MEGF9: variants seen among roughly 807,000 people sequenced by gnomAD.
MEGF9 encodes multiple EGF like domains 9, also known as multiple epidermal growth factor-like domains protein 9.
Under a neutral mutation model 46.8 loss-of-function variants are expected in MEGF9, and 6 were observed. The ratio of observed to expected loss-of-function variants is 0.13; its 90% confidence interval spans 0.07 to 0.25. The LOEUF (loss-of-function observed/expected upper bound fraction) is 0.25. MEGF9 is among the 10% of genes least tolerant of loss of function. The probability of loss-of-function intolerance (pLI) is 1.00; values close to 1 mark genes in which losing one functional copy is unlikely to be tolerated. For missense variants in MEGF9, 683 were observed against 792.4 expected (o/e 0.86, Z 1.66); for synonymous variants, 302 against 330.7 (o/e 0.91, Z 0.94).
chr9:120,659,598 G>A, intron 1 of MEGF9, 23 bp from the exon 2 acceptor site: 1 of 1,548,590 alleles, frequency 6.5e-7, no homozygotes, highest in Non-Finnish European at 8.8e-7. Context: ...GAAGGAAAGA[G>A]ACATTACCAA....
chr9:120,652,597 C>A (rs1020382120), intron 2 of MEGF9, among the ~76,000 whole-genome samples: 4 of 151,076 alleles, frequency 2.6e-5, no homozygotes, highest in African/African-American at 9.8e-5. Flanking sequence ...CAGGCACACA[C>A]ACACACACAC....
chr9:120,641,317 G>A (rs2043602012), intron 2 of MEGF9, among the ~76,000 whole-genome samples: 1 of 152,152 alleles, frequency 6.6e-6, no homozygotes, highest in Non-Finnish European at 1.5e-5. Context: ...GTTCATTAAA[G>A]TAAGATAAAG....
At chr9:120,709,405 T>C (rs2043942735) in intron 1 of MEGF9, among the ~76,000 whole-genome samples, 1 of 147,174 alleles carries the variant, frequency 6.8e-6, no homozygotes, top group African/African-American at 2.5e-5. Context: ...AGAGTGGAAC[T>C]CCATCTCAAA....
intron 3 of MEGF9, among the ~76,000 whole-genome samples, chr9:120,615,535 G>GT (rs2043468516): frequency 6.6e-6 from 1 of 150,806 alleles, no homozygotes; most frequent in African/African-American, 2.4e-5. Context: ...AAATCAATGA[G>GT]TAAAAAAAAA....
At chr9:120,614,654 C>T (rs1309051369) in intron 3 of MEGF9, among the ~76,000 whole-genome samples, 21 of 152,030 alleles carry the variant, frequency 1.4e-4, no homozygotes, top group Admixed American at 1.4e-3. Flanking sequence ...TAAACTGTTC[C>T]TCAGGTTGGA....
intron 2 of MEGF9, among the ~76,000 whole-genome samples, chr9:120,655,618 T>C (rs188409618): frequency 6.6e-6 from 1 of 152,306 alleles, no homozygotes; most frequent in East Asian, 1.9e-4. Flanking sequence ...AAAAAACCTA[T>C]TTATCAATTT....
At chr9:120,700,547 C>T (rs1455896380) in intron 1 of MEGF9, among the ~76,000 whole-genome samples, 1 of 152,100 alleles carries the variant, frequency 6.6e-6, no homozygotes, top group Non-Finnish European at 1.5e-5. Flanking sequence ...CATGAAAAAT[C>T]TACAGCAGAA....
At chr9:120,656,677 C>T (rs925504965) in intron 2 of MEGF9, among the ~76,000 whole-genome samples, 4 of 151,988 alleles carry the variant, frequency 2.6e-5, no homozygotes, top group Non-Finnish European at 1.5e-5. Context: ...GCAATTGCAG[C>T]TTAGAAGATT....
chr9:120,676,868 A>G (rs941674388), intron 1 of MEGF9, among the ~76,000 whole-genome samples: 3 of 152,210 alleles, frequency 2.0e-5, no homozygotes, highest in African/African-American at 7.2e-5. Flanking sequence ...AACTGTAGAG[A>G]CTGCAAGTCC....
At chr9:120,630,816 C>T (rs2132308155) in intron 2 of MEGF9, among the ~76,000 whole-genome samples, 1 of 152,232 alleles carries the variant, frequency 6.6e-6, no homozygotes, top group Admixed American at 6.5e-5. Context: ...TAATTCAGCT[C>T]CTTTGCCCAT....
At chr9:120,623,544 T>C (rs2043510991) in intron 2 of MEGF9, among the ~76,000 whole-genome samples, 1 of 152,204 alleles carries the variant, frequency 6.6e-6, no homozygotes, top group African/African-American at 2.4e-5. Context: ...CTGATCATAG[T>C]ATAGGAGATG....
At chr9:120,637,713 C>T (rs2043584264) in intron 2 of MEGF9, among the ~76,000 whole-genome samples, 1 of 144,126 alleles carries the variant, frequency 6.9e-6, no homozygotes, top group East Asian at 2.1e-4. Flanking sequence ...ATTGCTTGAA[C>T]CCGGGAGGCA....
chr9:120,684,873 T>C (rs1020348981), intron 1 of MEGF9, among the ~76,000 whole-genome samples: 4 of 151,624 alleles, frequency 2.6e-5, no homozygotes, highest in African/African-American at 9.7e-5. Context: ...TCGCTCTCTC[T>C]CCCAGTCTGG....
chr9:120,667,988 G>T (rs1005224047), intron 1 of MEGF9, among the ~76,000 whole-genome samples: 1 of 152,206 alleles, frequency 6.6e-6, no homozygotes, highest in Non-Finnish European at 1.5e-5. Flanking sequence ...TCGTGCCACT[G>T]CACTCCAGCC....
chr9:120,704,085 G>C (rs1447866848), intron 1 of MEGF9, among the ~76,000 whole-genome samples: 1 of 152,170 alleles, frequency 6.6e-6, no homozygotes, highest in East Asian at 1.9e-4. Context: ...TGTAATCCCA[G>C]CACTTTGGGA....
chr9:120,634,190 G>C (rs541275615), intron 2 of MEGF9, among the ~76,000 whole-genome samples: 45 of 152,040 alleles, frequency 3.0e-4, no homozygotes, highest in African/African-American at 1.0e-3. Context: ...TTAGATATTG[G>C]GTGTTGAAAT....
At chr9:120,638,181 A>G (rs1444210793) in intron 2 of MEGF9, among the ~76,000 whole-genome samples, 1 of 152,164 alleles carries the variant, frequency 6.6e-6, no homozygotes, top group African/African-American at 2.4e-5. Context: ...TTGTAGAAAC[A>G]GGGTCTCACT....
At chr9:120,676,265 CA>C in intron 1 of MEGF9, among the ~76,000 whole-genome samples, 1 of 151,924 alleles carries the variant, frequency 6.6e-6, no homozygotes, top group Non-Finnish European at 1.5e-5. Flanking sequence ...TCCATCTCTA[CA>C]AAAAAAACTT....
At position 120,652,178 on chromosome 9, in the gene MEGF9, ACAC is replaced by A. The variant is rs1440893476; in HGVS notation, c.803+7193_803+7195del. On this transcript the variant is annotated intron_variant, in intron 2 of 5. Transcript: ENST00000373930. ...CACACACACACACACACACACACAC[ACAC>A]AAAAAAAAAAAAAAAAAAAACAGGT... Among the ~76,000 whole-genome samples the A allele has an allele frequency of 3.3e-3, 127 of 37,962 alleles. 1 individual carries two copies. The highest frequency in any genetic ancestry group is 5.4e-3 in the Non-Finnish European group (89 of 16,502). 24.9% of individuals were successfully genotyped at this position (37,962 alleles called of 152,430 possible).
Sources: gnomAD v4.1 joint callset for allele counts (sites outside exome capture counted in the v4.1 genomes callset) on GRCh38, gnomAD v4.1.1 for gene constraint, MANE v1.5 for transcripts, NCBI Gene and HGNC (gene_info 2026-07-23, HGNC 2026-07-21) for gene names.